The following PRKN variants were observed in gnomAD, a reference collection of about 807,000 sequenced individuals.
The protein encoded by PRKN is E3 ubiquitin-protein ligase parkin.
In PRKN, 56 loss-of-function variants were observed where a neutral mutation model predicts 59.5. The ratio of observed to expected loss-of-function variants is 0.94; its 90% CI spans 0.76 to 1.18. The LOEUF (loss-of-function observed/expected upper bound fraction) is 1.18. PRKN is among the 50% of genes most tolerant of loss of function. The probability of loss-of-function intolerance (pLI) is 0.00; values close to 1 mark genes in which losing one functional copy is unlikely to be tolerated. For synonymous variants in PRKN, 250 were observed against 222.1 expected (o/e 1.13, Z -1.12); for missense variants, 657 against 596.4 (o/e 1.10, Z -1.06).
intron 3 of PRKN, among the ~76,000 whole-genome samples, chr6:162,247,888 A>T (rs1039940490): frequency 4.6e-5 from 7 of 152,200 alleles, no homozygotes; most frequent in Non-Finnish European, 1.0e-4. Context: ...CGATAATTAA[A>T]GGCACCTAGG....
intron 1 of PRKN, among the ~76,000 whole-genome samples, chr6:162,681,296 T>C (rs944556379): frequency 6.6e-6 from 1 of 152,148 alleles, no homozygotes; most frequent in Non-Finnish European, 1.5e-5. Flanking sequence ...TGAAATCAAA[T>C]ATGACAGAAA....
intron 2 of PRKN, among the ~76,000 whole-genome samples, chr6:162,358,207 T>G (rs577210194): frequency 6.6e-6 from 1 of 152,250 alleles, no homozygotes; most frequent in Non-Finnish European, 1.5e-5. Context: ...TTTCTGTATG[T>G]ACAATTTGTC....
intron 9 of PRKN, among the ~76,000 whole-genome samples, chr6:161,512,124 G>A (rs1778414716): frequency 6.6e-6 from 1 of 152,196 alleles, no homozygotes; most frequent in Admixed American, 6.5e-5. Context: ...TTCAATGTAA[G>A]TCTGAAAATG....
intron 2 of PRKN, among the ~76,000 whole-genome samples, chr6:162,349,893 G>A (rs139644759): frequency 1.3e-5 from 2 of 152,242 alleles, no homozygotes; most frequent in African/African-American, 2.4e-5. Flanking sequence ...AAAAGACATC[G>A]AGGCTGGGAA....
chr6:161,575,085 C>T lies in PRKN; in HGVS notation c.872-5669G>A, dbSNP rs962799758. On this transcript the variant is annotated intron_variant, in intron 7 of 11. Transcript: ENST00000366898. The surrounding 1 kb of genome is among the most constrained non-coding windows in gnomAD (Gnocchi z 4.6). ...TTTCCTCTAGTTATTAAACCCATCACTCAACTGTTGCCTGTGTTTTCTAAA... is the reference window on the plus strand; with the variant it reads ...TTTCCTCTAGTTATTAAACCCATCATTCAACTGTTGCCTGTGTTTTCTAAA... Among the ~76,000 whole-genome samples the T allele has an allele frequency of 1.2e-4, 19 of 152,200 alleles. No homozygotes were observed. The highest frequency in any genetic ancestry group is 4.6e-4 in the African/African-American group (19 of 41,450).
intron 9 of PRKN, among the ~76,000 whole-genome samples, chr6:161,474,334 A>G (rs1583116902): frequency 6.6e-6 from 1 of 152,318 alleles, no homozygotes; most frequent in East Asian, 1.9e-4. Flanking sequence ...CTCCAACCAT[A>G]GACCAAGCCT....
intron 5 of PRKN, among the ~76,000 whole-genome samples, chr6:161,984,743 ATGTT>A (rs1781374153): frequency 6.6e-6 from 1 of 152,128 alleles, no homozygotes; most frequent in African/African-American, 2.4e-5. Flanking sequence ...TGCTTCCACT[ATGTT>A]TGTTGCTATT....
intron 6 of PRKN, among the ~76,000 whole-genome samples, chr6:161,943,671 T>G (rs551949781): frequency 5.5e-5 from 8 of 146,764 alleles, no homozygotes; most frequent in African/African-American, 1.8e-4. Flanking sequence ...AGGAATCAGG[T>G]GAGGCATCAG....
chr6:161,616,548 C>T (rs1782702596), intron 7 of PRKN, among the ~76,000 whole-genome samples: 2 of 152,086 alleles, frequency 1.3e-5, no homozygotes, highest in African/African-American at 4.8e-5. Flanking sequence ...TCTCCTAATG[C>T]TATCCCTCCC....
At chr6:162,397,836 AG>A (rs958514102) in intron 2 of PRKN, among the ~76,000 whole-genome samples, 3 of 152,144 alleles carry the variant, frequency 2.0e-5, no homozygotes. Context: ...CAGGAGTTCA[AG>A]AACAGCCTGG....
At chr6:161,513,557 CT>C (rs529669442) in intron 9 of PRKN, among the ~76,000 whole-genome samples, 1 of 147,860 alleles carries the variant, frequency 6.8e-6, no homozygotes, top group East Asian at 2.0e-4. Context: ...GCCCTTTCTG[CT>C]TTTTTTCATT....
chr6:162,006,096 C>A (rs1782241938), intron 5 of PRKN, among the ~76,000 whole-genome samples: 1 of 152,104 alleles, frequency 6.6e-6, no homozygotes, highest in Non-Finnish European at 1.5e-5. Context: ...AGCTTTGAAA[C>A]ATTTAAAATG....
intron 4 of PRKN, among the ~76,000 whole-genome samples, chr6:162,103,650 A>C (rs1262358689): frequency 6.6e-6 from 1 of 152,028 alleles, no homozygotes; most frequent in Non-Finnish European, 1.5e-5. Context: ...GGATGATATC[A>C]GCAAACAAAA....
chr6:162,643,100 A>G (rs1778025251), intron 1 of PRKN, among the ~76,000 whole-genome samples: 1 of 152,146 alleles, frequency 6.6e-6, no homozygotes, highest in Admixed American at 6.6e-5. Flanking sequence ...ACCACGGGTA[A>G]TAAGAAAGAA....
At chr6:161,753,931 G>C (rs1788801875) in intron 7 of PRKN, among the ~76,000 whole-genome samples, 1 of 152,158 alleles carries the variant, frequency 6.6e-6, no homozygotes, top group Non-Finnish European at 1.5e-5. Flanking sequence ...AGGTCAGAGG[G>C]TAAGCTATGA....
chr6:162,023,837 A>G (rs921392821), intron 5 of PRKN, among the ~76,000 whole-genome samples: 2 of 152,078 alleles, frequency 1.3e-5, no homozygotes, highest in African/African-American at 2.4e-5. Context: ...ATTTAGAAGG[A>G]CCATACTCTT....
chr6:162,687,003 C>CTTT (rs1052541976), intron 1 of PRKN, among the ~76,000 whole-genome samples: 4 of 151,840 alleles, frequency 2.6e-5, no homozygotes, highest in South Asian at 4.2e-4. Flanking sequence ...TTAGGCTTTG[C>CTTT]TTTTTTATTT....
chr6:162,239,302 T>A (rs1053877806), intron 3 of PRKN, among the ~76,000 whole-genome samples: 2 of 152,170 alleles, frequency 1.3e-5, no homozygotes, highest in Non-Finnish European at 2.9e-5. Context: ...TTATCTATAT[T>A]TTTCCTGGCT....
At chr6:162,067,431 A>C (rs887263548) in intron 4 of PRKN, among the ~76,000 whole-genome samples, 13 of 152,226 alleles carry the variant, frequency 8.5e-5, no homozygotes, top group African/African-American at 2.9e-4. Flanking sequence ...ACATAGGAAG[A>C]TAAATAAGTC....
Sources: allele counts gnomAD v4.1 joint callset (sites outside exome capture counted in the v4.1 genomes callset), GRCh38; gene constraint gnomAD v4.1.1; non-coding constraint Gnocchi (gnomAD v3.1); transcripts MANE v1.5; gene names NCBI Gene and HGNC (gene_info 2026-07-23, HGNC 2026-07-21).